CEP152: variants seen among roughly 807,000 people sequenced by gnomAD.
The protein encoded by CEP152 is centrosomal protein 152.
CEP152 carries 132 observed loss-of-function variants against 188.9 expected under a neutral mutation model. The ratio of observed to expected loss-of-function variants is 0.70; its 90% confidence interval spans 0.61 to 0.81. The LOEUF is 0.81. CEP152 is among the 30% of genes least tolerant of loss of function. The pLI, the probability that CEP152 is intolerant of heterozygous loss-of-function variation, is 0.00. For missense variants in CEP152, 1,914 were observed against 1,969.8 expected, an observed-to-expected ratio of 0.97 and a Z score of 0.54; for synonymous variants, 649 against 666.6, an observed-to-expected ratio of 0.97 and a Z score of 0.41.
intron 11 of CEP152, 139 bp from the exon 12 acceptor site, chr15:48,781,498 T>C: frequency 1.6e-6 from 1 of 640,392 alleles, no homozygotes; most frequent in Non-Finnish European, 2.7e-6. Flanking sequence ...CACATTATAC[T>C]TTATAAAGGT....
chr15:48,791,097 C>A, intron 8 of CEP152, 140 bp downstream of exon 8: 1 of 664,024 alleles, frequency 1.5e-6, no homozygotes, highest in Admixed American at 3.1e-5. Context: ...CTGAAGCAAA[C>A]TATTGCAGTC....
Position 48,738,484 on chromosome 15 carries a change from T to G in CEP152, c.4898A>C (p.Gln1633Pro). 1 of 1,614,256 alleles carries G rather than the reference T, an allele frequency of 6.2e-7. No homozygotes were observed. The highest frequency in any genetic ancestry group is 8.5e-7 in the Non-Finnish European group (1 of 1,180,042). ...TGACAGGTATGGAGTTTGATAACGC[T>G]GACATTTCATTGTTTGACAAATCAT... ...SNMICQTMKC[Q>P]RYQTPYLSEE... is the part of the protein sequence containing the mutation. The change falls in exon 27 of 27, where the codon CAG (glutamine) becomes CCG (proline). Residue 1633 changes from glutamine to proline, a missense_variant. Coordinates refer to ENST00000380950, the MANE Select transcript of CEP152 (RefSeq NM_001194998.2).
chr15:48,779,168 C>T (rs1428693055), intron 12 of CEP152, among the ~76,000 whole-genome samples: 1 of 152,146 alleles, frequency 6.6e-6, no homozygotes, highest in Non-Finnish European at 1.5e-5. Flanking sequence ...TCATGAACTA[C>T]ATCTTTAATC....
chr15:48,791,574 C>T (rs1274628992), intron 7 of CEP152, among the ~76,000 whole-genome samples, 198 bp from the exon 8 acceptor site: 4 of 152,010 alleles, frequency 2.6e-5, no homozygotes, highest in Non-Finnish European at 4.4e-5. Flanking sequence ...TTTGAGACAG[C>T]GTCTCACTCC....
intron 20 of CEP152, among the ~76,000 whole-genome samples, chr15:48,753,496 G>C (rs983248453): frequency 1.3e-5 from 2 of 152,154 alleles, no homozygotes; most frequent in East Asian, 1.9e-4. Context: ...TTAATTGACT[G>C]TCAGAAAACC....
At chr15:48,740,793 C>G (rs895916453) in intron 26 of CEP152, 2 of 148,324 alleles carry the variant, frequency 1.3e-5, no homozygotes, top group African/African-American at 5.1e-5. Flanking sequence ...GGCTAGCCAC[C>G]TGGAGCACTG....
At chr15:48,765,012 A>G (rs2140733972) in intron 17 of CEP152, among the ~76,000 whole-genome samples, 1 of 151,818 alleles carries the variant, frequency 6.6e-6, no homozygotes, top group South Asian at 2.1e-4. Context: ...AAAAAGGTGT[A>G]TTTTTGCCTA....
At chr15:48,772,340 G>C in intron 13 of CEP152, 147 bp downstream of exon 13, 1 of 691,038 alleles carries the variant, frequency 1.4e-6, no homozygotes, top group Non-Finnish European at 2.5e-6. Context: ...TAGCCTGGGA[G>C]GTTGAGGCTA....
Position 48,748,591 on chromosome 15 carries a change from T to A in CEP152, c.3486A>T (p.Glu1162Asp). 6.7e-7 allele frequency: 1 copy of A among 1,499,730 alleles called. No individual in the cohort carries two copies. The highest frequency in any genetic ancestry group is 8.8e-7 in the Non-Finnish European group (1 of 1,130,876). The allele number at this position is 1,499,730 out of a possible 1,614,324, so 92.9% of individuals were successfully genotyped here. ...AGTGTCCACAGCATAAATCCTTAATTTCAAGGACCTTTTTCTTATCTGCAA... is the reference window on the plus strand; with the variant it reads ...AGTGTCCACAGCATAAATCCTTAATATCAAGGACCTTTTTCTTATCTGCAA... Reference protein sequence around the residue: ...EAEADKKKVLEIKDLCCGHCF... With the variant: ...EAEADKKKVLDIKDLCCGHCF... Residue 1162 changes from glutamate to aspartate, a missense_variant, in exon 22 of 27, where the codon GAA (glutamate) becomes GAT (aspartate). Physicochemically the swap from Glu to Asp is conservative, Grantham distance 45 (BLOSUM62 2). Coordinates refer to ENST00000380950, the MANE Select transcript of CEP152 (RefSeq NM_001194998.2).
At chr15:48,739,768 C>A (rs1817793058) in intron 26 of CEP152, among the ~76,000 whole-genome samples, 1 of 152,134 alleles carries the variant, frequency 6.6e-6, no homozygotes, top group Admixed American at 6.5e-5. Flanking sequence ...TGATCAAAGA[C>A]AAAGCAGCCA....
intron 2 of CEP152, among the ~76,000 whole-genome samples, chr15:48,801,563 A>G (rs1053604091): frequency 1.3e-5 from 2 of 152,224 alleles, no homozygotes; most frequent in African/African-American, 4.8e-5. Flanking sequence ...TATTATCTTG[A>G]TATCATAGAT....
intron 9 of CEP152, among the ~76,000 whole-genome samples, chr15:48,787,761 CTTAAG>C (rs2140871461): frequency 6.6e-6 from 1 of 152,158 alleles, no homozygotes; most frequent in African/African-American, 2.4e-5. Context: ...CTCTCCTTCC[CTTAAG>C]TTAAATCAAT....
At chr15:48,754,781 C>T (rs1043530057) in intron 20 of CEP152, among the ~76,000 whole-genome samples, 3 of 152,094 alleles carry the variant, frequency 2.0e-5, no homozygotes. Context: ...AGGAATTAGG[C>T]CGGGGATTTG....
intron 2 of CEP152, among the ~76,000 whole-genome samples, chr15:48,731,079 G>A (rs1446906516): frequency 6.6e-6 from 1 of 152,192 alleles, no homozygotes; most frequent in East Asian, 1.9e-4. Flanking sequence ...TCACTTACAT[G>A]AGATTTCTAA....
At chr15:48,743,657 G>A (rs889753495) in intron 24 of CEP152, among the ~76,000 whole-genome samples, 3 of 152,188 alleles carry the variant, frequency 2.0e-5, no homozygotes, top group African/African-American at 7.2e-5. Context: ...GAGGTCAGGA[G>A]TTCGAGATCA....
intron 17 of CEP152, 29 bp from the exon 18 acceptor site, chr15:48,762,701 A>G: frequency 2.4e-5 from 39 of 1,608,944 alleles, no homozygotes; most frequent in Non-Finnish European, 3.3e-5. Context: ...TCATACGAGA[A>G]GAACAATTTT....
At chr15:48,778,674 G>T (rs2140824529) in intron 12 of CEP152, among the ~76,000 whole-genome samples, 1 of 152,242 alleles carries the variant, frequency 6.6e-6, no homozygotes, top group Admixed American at 6.5e-5. Context: ...AGGAGGCCGG[G>T]CGCGGTGGCT....
Position 48,738,130 on chromosome 15 carries a change from A to G in CEP152, c.*119T>C. 4.8e-6 allele frequency: 5 copies of G among 1,041,760 alleles called. No individual in the cohort carries two copies. The highest frequency in any genetic ancestry group is 6.8e-6 in the Non-Finnish European group (5 of 737,378). 64.5% of individuals were successfully genotyped at this position (1,041,760 alleles called of 1,614,324 possible). ...AATTTTAGAAGAATGCTTTACTTAT[A>G]TAACAGATGTTATTAAAACATCTCA... On this transcript the variant is annotated 3_prime_UTR_variant, in exon 27 of 27. Transcript: ENST00000380950.
intron 7 of CEP152, 149 bp from the exon 8 acceptor site, chr15:48,791,525 A>G: frequency 1.4e-6 from 1 of 730,676 alleles, no homozygotes; most frequent in Non-Finnish European, 2.2e-6. Flanking sequence ...ATTTAGAGAA[A>G]ACTAAATAAA....
Sources: gnomAD v4.1 joint callset for allele counts (sites outside exome capture counted in the v4.1 genomes callset) on GRCh38, gnomAD v4.1.1 for gene constraint, MANE v1.5 for transcripts, NCBI Gene and HGNC (gene_info 2026-07-23, HGNC 2026-07-21) for gene names.